The following USP49 variants were observed in gnomAD, a reference collection of about 807,000 sequenced individuals.
The protein encoded by USP49 is ubiquitin carboxyl-terminal hydrolase 49.
A neutral mutation model predicts 58.6 loss-of-function variants in USP49; 24 were observed. The observed-to-expected ratio is 0.41, with a 90% CI of 0.30 to 0.58. USP49 has a LOEUF of 0.58. USP49 is among the 20% of genes least tolerant of loss of function. The probability of loss-of-function intolerance (pLI) is 0.30; values close to 1 mark genes in which losing one functional copy is unlikely to be tolerated. For missense variants in USP49, 703 were observed against 866.1 expected, an observed-to-expected ratio of 0.81 and a Z score of 2.36; for synonymous variants, 408 against 365.1, an observed-to-expected ratio of 1.12 and a Z score of -1.34.
intron 3 of USP49, among the ~76,000 whole-genome samples, chr6:41,815,986 T>C (rs959309089): frequency 6.6e-6 from 1 of 152,254 alleles, no homozygotes; most frequent in African/African-American, 2.4e-5. Context: ...AACACTGGTT[T>C]GCCCATGGAA....
chr6:41,834,678 C>T (rs1189410647), intron 3 of USP49, among the ~76,000 whole-genome samples: 1 of 152,198 alleles, frequency 6.6e-6, no homozygotes, highest in African/African-American at 2.4e-5. Context: ...CTGCTCCAGC[C>T]ATGTAAGATG....
At chr6:41,895,285 C>T (rs1774879320) in intron 1 of USP49, 39 bp downstream of exon 1, 1 of 150,460 alleles carries the variant, frequency 6.6e-6, no homozygotes, top group Admixed American at 6.6e-5. Flanking sequence ...TGCTGCCTCC[C>T]CACCTCCTCC....
rs528286396 is a variant in USP49 at position 41,789,976 on chromosome 6, T to A, written c.*6557A>T. The A allele has an allele frequency of 6.6e-6, 1 of 152,122 alleles. No individual in the cohort carries two copies. Among genetic ancestry groups the A allele is most frequent in the South Asian group, 2.1e-4 (1 of 4,832 alleles). 9.4% of individuals were successfully genotyped at this position (152,122 alleles called of 1,614,324 possible). Reference sequence around the variant, plus strand: ...ATTTACAAAAATCATAAAAACATGATTTATATTTCACACTTGAGAGACAAA... The same window carrying A: ...ATTTACAAAAATCATAAAAACATGAATTATATTTCACACTTGAGAGACAAA... On this transcript the variant is annotated 3_prime_UTR_variant, in exon 8 of 8. Transcript: ENST00000682992.
At chr6:41,871,212 T>C (rs1477806358) in intron 3 of USP49, among the ~76,000 whole-genome samples, 1 of 152,028 alleles carries the variant, frequency 6.6e-6, no homozygotes, top group African/African-American at 2.4e-5. Context: ...ACTGACATAT[T>C]TGGAGAAAAA....
At chr6:41,867,571 G>A (rs201681824) in intron 3 of USP49, among the ~76,000 whole-genome samples, 39 of 139,584 alleles carry the variant, frequency 2.8e-4, no homozygotes, top group South Asian at 2.0e-3. Context: ...GTGAAACCCC[G>A]TCTCTACTAA....
At chr6:41,829,341 T>C (rs1323190076) in intron 3 of USP49, among the ~76,000 whole-genome samples, 1 of 151,952 alleles carries the variant, frequency 6.6e-6, no homozygotes, top group African/African-American at 2.4e-5. Context: ...TAAGATGGTG[T>C]TTCGCGCTTG....
At chr6:41,894,175 C>G (rs1480511294) in intron 1 of USP49, 1 of 152,302 alleles carries the variant, frequency 6.6e-6, no homozygotes, top group Non-Finnish European at 1.5e-5. Flanking sequence ...CTTCCTGCTC[C>G]TCTCACCATT....
Position 41,834,587 on chromosome 6 carries a change from A to C in USP49, c.-28-27576T>G, listed in dbSNP as rs79889605. Among the ~76,000 whole-genome samples the C allele has an allele frequency of 6.6e-3, 1,009 of 152,212 alleles. 13 individuals carry two copies. Among genetic ancestry groups the C allele is most frequent in the African/African-American group, 0.023 (957 of 41,528 alleles). On this transcript the variant is annotated intron_variant, in intron 3 of 7. Coordinates refer to ENST00000682992, the MANE Select transcript of USP49 (RefSeq NM_001286554.2). The stretch of plus-strand genomic sequence containing the variant: ...TGAATGATTTGGCACCATCCTCTTG[A>C]AGCTGTTCTTGTGATAGTGTGTTCT...
chr6:41,881,414 C>G (rs928599262), intron 2 of USP49, among the ~76,000 whole-genome samples: 4 of 145,344 alleles, frequency 2.8e-5, no homozygotes, highest in Non-Finnish European at 6.0e-5. Flanking sequence ...TGTATATAGT[C>G]TTAACATAAA....
Position 41,796,245 on chromosome 6 carries a change from C to G in USP49, c.*288G>C, listed in dbSNP as rs1354882499. The G allele has an allele frequency of 6.5e-6, 2 of 307,526 alleles. No individual in the cohort carries two copies. Among genetic ancestry groups the G allele is most frequent in the Non-Finnish European group, 1.2e-5 (2 of 163,090 alleles). 19.0% of individuals were successfully genotyped at this position (307,526 alleles called of 1,614,324 possible). The stretch of plus-strand genomic sequence containing the variant: ...GTGTGGATATGATTGATTTACCCCC[C>G]CGCCCCGCTTTCCTCCACCCAGATC... On this transcript the variant is annotated 3_prime_UTR_variant, in exon 8 of 8. Transcript: ENST00000682992.
intron 2 of USP49, among the ~76,000 whole-genome samples, chr6:41,888,205 C>T (rs1774749351): frequency 6.6e-6 from 1 of 151,834 alleles, no homozygotes; most frequent in African/African-American, 2.4e-5. Flanking sequence ...CGGGCATGCA[C>T]CATCATGCCC....
At chr6:41,861,604 C>T (rs1774224065) in intron 3 of USP49, among the ~76,000 whole-genome samples, 1 of 152,104 alleles carries the variant, frequency 6.6e-6, no homozygotes, top group Non-Finnish European at 1.5e-5. Context: ...CATTTAGAAA[C>T]ATAATGCTTA....
chr6:41,797,692 A>G (rs1159680057), intron 7 of USP49: 1 of 985,862 alleles, frequency 1.0e-6, no homozygotes, highest in Non-Finnish European at 1.2e-6. Context: ...AGATTCATAC[A>G]ATATCTCCTT....
intron 2 of USP49, among the ~76,000 whole-genome samples, chr6:41,885,929 G>A (rs557779545): frequency 2.0e-5 from 3 of 152,314 alleles, no homozygotes; most frequent in Non-Finnish European, 4.4e-5. Context: ...TGAGACTGAC[G>A]TCTTCATTAA....
intron 3 of USP49, among the ~76,000 whole-genome samples, chr6:41,819,872 T>A (rs1297901190): frequency 6.6e-6 from 1 of 152,148 alleles, no homozygotes; most frequent in Non-Finnish European, 1.5e-5. Context: ...AACTACCAGG[T>A]TATAGGAAAC....
chr6:41,855,198 C>T (rs191167545), intron 3 of USP49, among the ~76,000 whole-genome samples: 2 of 149,708 alleles, frequency 1.3e-5, no homozygotes, highest in African/African-American at 4.9e-5. Context: ...TTTTTTTTGG[C>T]ATAGTACTGT....
chr6:41,854,712 T>A (rs1441842183), intron 3 of USP49, among the ~76,000 whole-genome samples: 1 of 152,184 alleles, frequency 6.6e-6, no homozygotes, highest in Non-Finnish European at 1.5e-5. Context: ...TAAAGATCCA[T>A]TAAATCAAAA....
At chr6:41,820,201 T>C (rs1773430400) in intron 3 of USP49, among the ~76,000 whole-genome samples, 1 of 152,152 alleles carries the variant, frequency 6.6e-6, no homozygotes, top group African/African-American at 2.4e-5. Flanking sequence ...TTTTTAAGTT[T>C]TATTGAGGTA....
rs1455309093 is a variant in USP49 at position 41,794,353 on chromosome 6, T to A, written c.*2180A>T. ...TATAAAACTATTTTTAAAAATTAAATTGGAAGATCTTTGAATTTTCCATTA... is the reference window on the plus strand; with the variant it reads ...TATAAAACTATTTTTAAAAATTAAAATGGAAGATCTTTGAATTTTCCATTA... On this transcript the variant is annotated 3_prime_UTR_variant, in exon 8 of 8. Coordinates refer to ENST00000682992, the MANE Select transcript of USP49 (RefSeq NM_001286554.2). The A allele has an allele frequency of 6.6e-6, 1 of 152,260 alleles. No individual in the cohort carries two copies. Among genetic ancestry groups the A allele is most frequent in the Non-Finnish European group, 1.5e-5 (1 of 68,044 alleles). 9.4% of individuals were successfully genotyped at this position (152,260 alleles called of 1,614,324 possible).
Sources: allele counts gnomAD v4.1 joint callset (sites outside exome capture counted in the v4.1 genomes callset), GRCh38; gene constraint gnomAD v4.1.1; transcripts MANE v1.5; gene names NCBI Gene and HGNC (gene_info 2026-07-23, HGNC 2026-07-21).